FCHO2: variants seen among roughly 807,000 people sequenced by gnomAD.
FCHO2 encodes the protein FCH and mu domain containing endocytic adaptor 2.
In FCHO2, 43 loss-of-function variants were observed where a neutral mutation model predicts 114.1. That is an observed-to-expected ratio of 0.38 (90% CI 0.30 to 0.49). FCHO2 has a LOEUF of 0.49. FCHO2 is among the 20% of genes least tolerant of loss of function. The pLI is 0.97. For synonymous variants in FCHO2, 293 were observed against 315.2 expected (o/e 0.93, Z 0.75); for missense variants, 807 against 950.4 (o/e 0.85, Z 1.98).
intron 5 of FCHO2, chr5:72,997,657 C>T: frequency 5.3e-6 from 8 of 1,518,536 alleles, no homozygotes; most frequent in Non-Finnish European, 7.3e-6. Flanking sequence ...AGCTGCTCCC[C>T]CTTCACCTGA....
chr5:73,070,652 C>T (rs977937659), intron 19 of FCHO2, among the ~76,000 whole-genome samples: 1 of 149,386 alleles, frequency 6.7e-6, no homozygotes, highest in African/African-American at 2.5e-5. Flanking sequence ...TGAATTGGTA[C>T]ATATTAGTTT....
intron 5 of FCHO2, among the ~76,000 whole-genome samples, chr5:72,999,400 T>A (rs1480793021): frequency 1.7e-5 from 2 of 120,568 alleles, no homozygotes; most frequent in East Asian, 3.0e-4. Flanking sequence ...TTTTTTTTTT[T>A]AAGATGGAGT....
chr5:73,038,850 G>C (rs1756662868), intron 10 of FCHO2, among the ~76,000 whole-genome samples: 1 of 152,120 alleles, frequency 6.6e-6, no homozygotes, highest in Non-Finnish European at 1.5e-5. Context: ...ATTGAAATCT[G>C]ATCAATTGAT....
At chr5:73,021,200 A>G (rs1419078126) in intron 8 of FCHO2, 1 of 758,138 alleles carries the variant, frequency 1.3e-6, no homozygotes, top group East Asian at 2.5e-5. Flanking sequence ...AGAGCAAGTG[A>G]TTTGACTGTG....
At chr5:73,031,005 A>G (rs372152937) in intron 8 of FCHO2, among the ~76,000 whole-genome samples, 3 of 152,350 alleles carry the variant, frequency 2.0e-5, no homozygotes, top group Admixed American at 6.5e-5. Flanking sequence ...CCTTTTATAA[A>G]TGATACAACC....
chr5:73,048,727 T>C (rs1271153665), intron 11 of FCHO2, among the ~76,000 whole-genome samples: 1 of 152,078 alleles, frequency 6.6e-6, no homozygotes, highest in Non-Finnish European at 1.5e-5. Context: ...AGAGTGAATA[T>C]ATATGTAGTT....
chr5:72,975,715 G>T (rs1752829244), intron 2 of FCHO2, among the ~76,000 whole-genome samples: 1 of 152,130 alleles, frequency 6.6e-6, no homozygotes, highest in South Asian at 2.1e-4. Context: ...ATGTCAGCCA[G>T]GCTGGTCTGG....
At position 72,993,628 on chromosome 5, in the gene FCHO2, G is replaced by T. The variant is rs1049625306; in HGVS notation, c.495+2764G>T. Among the ~76,000 whole-genome samples, 9 of 152,236 alleles carry T rather than the reference G, an allele frequency of 5.9e-5. No individual in the cohort carries two copies. The East Asian group carries it at 1.7e-3, about 29-fold the overall frequency. ...TCAATTGATGGTATTGTATAGTCAT[G>T]GTTGGTAAGATAGCTTTTATGGTGT... On this transcript the variant is annotated intron_variant, in intron 5 of 25. Coordinates refer to ENST00000430046, the MANE Select transcript of FCHO2 (RefSeq NM_138782.3).
chr5:73,056,195 A>G (rs2112846505), intron 16 of FCHO2, 88 bp downstream of exon 16: 1 of 1,025,222 alleles, frequency 9.8e-7, no homozygotes, highest in East Asian at 2.7e-5. Context: ...TGGAAAGCAC[A>G]GAGATTTCCC....
chr5:73,005,862 C>T, intron 5 of FCHO2, among the ~76,000 whole-genome samples: 1 of 151,894 alleles, frequency 6.6e-6, no homozygotes. Flanking sequence ...TTTTTTAAGT[C>T]TTGAAAAAAT....
At position 72,969,964 on chromosome 5, in the gene FCHO2, A is replaced by G. The variant is rs138387061; in HGVS notation, c.125+1375A>G. ...GTAGGCCCTCAGTAAAGGTTTTTCCATAGAATGAATCTGTAACTTCATTAT... is the reference window on the plus strand; with the variant it reads ...GTAGGCCCTCAGTAAAGGTTTTTCCGTAGAATGAATCTGTAACTTCATTAT... On this transcript the variant is annotated intron_variant, in intron 2 of 25. Transcript: ENST00000430046. 1.0e-3 allele frequency among the ~76,000 whole-genome samples: 159 copies of G among 152,310 alleles called. 2 individuals carry two copies. Among genetic ancestry groups the G allele is most frequent in the African/African-American group, 3.8e-3 (157 of 41,570 alleles).
At chr5:73,085,777 A>AAAAC (rs1198355119) in intron 24 of FCHO2, among the ~76,000 whole-genome samples, 45 of 140,246 alleles carry the variant, frequency 3.2e-4, no homozygotes, top group African/African-American at 1.1e-3. Flanking sequence ...TCTGTCTCAA[A>AAAAC]AAATAAATAA....
Position 73,079,694 on chromosome 5 carries a change from T to C in FCHO2, c.1980+1382T>C, listed in dbSNP as rs545769531. 9.2e-5 allele frequency among the ~76,000 whole-genome samples: 14 copies of C among 152,338 alleles called. No homozygotes were observed. The South Asian group carries it at 2.5e-3, about 27-fold the overall frequency. ...TCTATAAACTATGCAGGTCCACTTA[T>C]ACGAGGATTCTTTTTAACCAAACAC... On this transcript the variant is annotated intron_variant, in intron 22 of 25. Transcript: ENST00000430046.
At chr5:73,068,243 T>A (rs1742457259) in intron 18 of FCHO2, among the ~76,000 whole-genome samples, 1 of 152,102 alleles carries the variant, frequency 6.6e-6, no homozygotes, top group African/African-American at 2.4e-5. Context: ...TCCCTTTTTC[T>A]TCTTCTGTGA....
intron 5 of FCHO2, among the ~76,000 whole-genome samples, chr5:72,996,243 C>CAAAAAAAAAAAAAAAAAAAAAA (rs371371047): frequency 9.0e-6 from 1 of 110,984 alleles, no homozygotes; most frequent in Non-Finnish European, 1.8e-5. Context: ...AACTCTGTCT[C>CAAAAAAAAAAAAAAAAAAAAAA]AAAAAAAAAA....
chr5:73,061,327 TA>T (rs1214335611), intron 17 of FCHO2, among the ~76,000 whole-genome samples: 6 of 152,142 alleles, frequency 3.9e-5, no homozygotes, highest in Admixed American at 3.9e-4. Context: ...CTTCAGTTAA[TA>T]TAGTTTGAAC....
chr5:72,971,165 A>G (rs368213210), intron 2 of FCHO2, among the ~76,000 whole-genome samples: 2,484 of 150,058 alleles, frequency 0.017, 45 homozygotes, highest in Middle Eastern at 0.028. Flanking sequence ...AAACATACAT[A>G]TGCATGTGTC....
At position 72,989,445 on chromosome 5, in the gene FCHO2, A is replaced by G; in HGVS notation, c.144A>G (p.Ala48=). The part of the protein sequence containing the change: ...FVRERATIEE[A]YSRSMTKLAK... ...TTAACAGAGCTACCATAGAGGAGGC[A>G]TACTCCAGGTCAATGACAAAACTAG... Residue 48 remains alanine, a synonymous_variant, in exon 3 of 26, where the codon GCA becomes GCG. Transcript: ENST00000430046. 2 of 1,606,918 alleles carry G rather than the reference A, an allele frequency of 1.2e-6. No homozygotes were observed. Among genetic ancestry groups the G allele is most frequent in the Non-Finnish European group, 1.7e-6 (2 of 1,176,422 alleles).
chr5:73,081,035 A>G (rs1743074671), intron 22 of FCHO2, among the ~76,000 whole-genome samples: 2 of 152,160 alleles, frequency 1.3e-5, no homozygotes, highest in African/African-American at 4.8e-5. Context: ...GCTCGAGCCC[A>G]GGAGGTTGAG....
Sources: gnomAD v4.1 joint callset for allele counts (sites outside exome capture counted in the v4.1 genomes callset) on GRCh38, gnomAD v4.1.1 for gene constraint, MANE v1.5 for transcripts, NCBI Gene and HGNC (gene_info 2026-07-23, HGNC 2026-07-21) for gene names.